Variants in STPG2 observed in about 807,000 individuals in gnomAD.
STPG2 encodes the protein sperm-tail PG-rich repeat-containing protein 2.
STPG2 carries 56 observed loss-of-function variants against 54.2 expected under a neutral mutation model. That is an observed-to-expected ratio of 1.03 (90% CI 0.83 to 1.29). The LOEUF is 1.29. Ranked by LOEUF, STPG2 falls within the 50% of genes most tolerant of loss-of-function variation. STPG2 has a pLI of 0.00. For missense variants in STPG2, 596 were observed against 544.9 expected, an observed-to-expected ratio of 1.09 and a Z score of -0.93; for synonymous variants, 200 against 181.8, an observed-to-expected ratio of 1.10 and a Z score of -0.81.
chr4:97,739,958 T>G (rs1419321445), intron 9 of STPG2, among the ~76,000 whole-genome samples: 3 of 151,602 alleles, frequency 2.0e-5, no homozygotes, highest in Non-Finnish European at 2.9e-5. Context: ...GATGCAAAAA[T>G]CCTCAATAAA....
intron 10 of STPG2, among the ~76,000 whole-genome samples, chr4:97,694,121 A>T (rs1162657312): frequency 6.6e-6 from 1 of 152,192 alleles, no homozygotes; most frequent in East Asian, 1.9e-4. Context: ...AAGTAAGAAC[A>T]AACAAAACCC....
chr4:97,820,173 T>G (rs765926433), intron 9 of STPG2, among the ~76,000 whole-genome samples: 27 of 152,158 alleles, frequency 1.8e-4, no homozygotes, highest in Non-Finnish European at 3.2e-4. Flanking sequence ...ATGTTACTAT[T>G]GTAATTCTTT....
chr4:97,783,973 C>G (rs548337171), intron 9 of STPG2, among the ~76,000 whole-genome samples: 5 of 150,346 alleles, frequency 3.3e-5, no homozygotes, highest in South Asian at 2.1e-4. Flanking sequence ...ATGTAAATGA[C>G]GAGTTAATGG....
At chr4:97,661,159 G>A (rs1486308381) in intron 10 of STPG2, among the ~76,000 whole-genome samples, 2 of 151,930 alleles carry the variant, frequency 1.3e-5, no homozygotes, top group African/African-American at 4.8e-5. Flanking sequence ...TGATTCCGTG[G>A]GTAATATAGA....
chr4:97,451,952 T>C (rs1447286076), intron 4 of STPG2, among the ~76,000 whole-genome samples: 2 of 151,800 alleles, frequency 1.3e-5, no homozygotes, highest in Non-Finnish European at 2.9e-5. Context: ...ACCAGGGAGG[T>C]GCAGCCAGGA....
At chr4:97,634,086 G>T (rs1282714783) in intron 10 of STPG2, among the ~76,000 whole-genome samples, 3 of 152,182 alleles carry the variant, frequency 2.0e-5, no homozygotes, top group South Asian at 2.1e-4. Context: ...AGACTTAAAT[G>T]TCCCTGTCTG....
chr4:97,497,683 GGT>G (rs749686387), intron 4 of STPG2, among the ~76,000 whole-genome samples: 14 of 151,758 alleles, frequency 9.2e-5, no homozygotes, highest in Non-Finnish European at 1.3e-4. Flanking sequence ...TAGAAAGGGT[GGT>G]AATACTGTAA....
chr4:97,601,805 C>T (rs1056308819), intron 10 of STPG2, among the ~76,000 whole-genome samples: 1 of 151,748 alleles, frequency 6.6e-6, no homozygotes, highest in Admixed American at 6.6e-5. Flanking sequence ...TTTATAATTG[C>T]AAATAAATTT....
chr4:97,508,744 AT>A (rs1295315972), intron 4 of STPG2, among the ~76,000 whole-genome samples: 1 of 152,110 alleles, frequency 6.6e-6, no homozygotes, highest in Non-Finnish European at 1.5e-5. Context: ...TTTATTAATT[AT>A]AGCATGAAAA....
intron 9 of STPG2, among the ~76,000 whole-genome samples, chr4:97,760,477 C>A (rs553428863): frequency 6.6e-6 from 1 of 152,228 alleles, no homozygotes; most frequent in Admixed American, 6.5e-5. Flanking sequence ...ATATGATAAT[C>A]TCTCAAGGAT....
chr4:97,852,177 G>C (rs555362443), intron 8 of STPG2, among the ~76,000 whole-genome samples: 1 of 152,132 alleles, frequency 6.6e-6, no homozygotes, highest in Non-Finnish European at 1.5e-5. Context: ...AATTTAAATA[G>C]CAGAGTTAGG....
At chr4:98,056,591 C>T (rs891394607) in intron 5 of STPG2, among the ~76,000 whole-genome samples, 11 of 152,012 alleles carry the variant, frequency 7.2e-5, no homozygotes, top group African/African-American at 2.4e-5. Context: ...GCCATATCTA[C>T]CTTATACCAT....
intron 9 of STPG2, among the ~76,000 whole-genome samples, chr4:97,798,544 G>C (rs1283405828): frequency 1.3e-5 from 2 of 151,814 alleles, no homozygotes; most frequent in South Asian, 4.2e-4. Flanking sequence ...TGTGGTCTGA[G>C]AGACAGTTTG....
chr4:97,507,410 G>A (rs1341244894), intron 4 of STPG2, among the ~76,000 whole-genome samples: 2 of 151,966 alleles, frequency 1.3e-5, no homozygotes, highest in African/African-American at 4.8e-5. Context: ...CGAAAATAAT[G>A]AATCCAAAAC....
chr4:97,609,867 A>G (rs1024782818), intron 10 of STPG2, among the ~76,000 whole-genome samples: 2 of 151,876 alleles, frequency 1.3e-5, no homozygotes, highest in African/African-American at 2.4e-5. Flanking sequence ...GTGGGTTTAT[A>G]TTAAAGATCA....
chr4:97,564,772 A>T (rs374519922), intron 10 of STPG2, among the ~76,000 whole-genome samples: 1 of 152,134 alleles, frequency 6.6e-6, no homozygotes, highest in Non-Finnish European at 1.5e-5. Context: ...CTCACTCTCT[A>T]CTGGCTTGTA....
intron 4 of STPG2, among the ~76,000 whole-genome samples, chr4:97,544,597 A>C (rs924549853): frequency 6.6e-6 from 1 of 152,098 alleles, no homozygotes; most frequent in Non-Finnish European, 1.5e-5. Context: ...AAAAATGAAG[A>C]CAAGGTGATT....
chr4:97,456,477 T>C (rs1560616214), intron 4 of STPG2, among the ~76,000 whole-genome samples: 1 of 151,792 alleles, frequency 6.6e-6, no homozygotes, highest in Non-Finnish European at 1.5e-5. Context: ...ACCAAACCCC[T>C]CCTCCAATGC....
chr4:97,444,894 A>G (rs1196547714), intron 4 of STPG2, among the ~76,000 whole-genome samples: 1 of 152,040 alleles, frequency 6.6e-6, no homozygotes, highest in Non-Finnish European at 1.5e-5. Flanking sequence ...AAAATTAGCC[A>G]GGGATGGTAG....
Sources: allele counts gnomAD v4.1 joint callset (sites outside exome capture counted in the v4.1 genomes callset), GRCh38; gene constraint gnomAD v4.1.1; transcripts MANE v1.5; gene names NCBI Gene and HGNC (gene_info 2026-07-23, HGNC 2026-07-21).